The following APAF1 variants were observed in gnomAD, a reference collection of about 807,000 sequenced individuals.
The protein encoded by APAF1 is apoptotic peptidase activating factor 1, also known as apoptotic protease-activating factor 1.
In APAF1, 91 loss-of-function variants were observed where a neutral mutation model predicts 152.4. The observed-to-expected ratio is 0.60, with a 90% CI of 0.50 to 0.71. APAF1 has a LOEUF of 0.71. Among genes scored for constraint, APAF1 ranks in the 30% least tolerant of loss-of-function variants. The probability of loss-of-function intolerance (pLI) is 0.00; values close to 1 mark genes in which losing one functional copy is unlikely to be tolerated. For synonymous variants in APAF1, 484 were observed against 494.1 expected (o/e 0.98, Z 0.27); for missense variants, 1,283 against 1,472.0 (o/e 0.87, Z 2.10).
At chr12:98,691,000 A>G (rs1005291854) in intron 16 of APAF1, among the ~76,000 whole-genome samples, 4 of 152,118 alleles carry the variant, frequency 2.6e-5, no homozygotes, top group African/African-American at 9.7e-5. Context: ...TGAGGTCAGG[A>G]GTTCGAGACC....
At chr12:98,665,518 G>A (rs2097671567) in intron 7 of APAF1, 35 bp from the exon 8 acceptor site, 1 of 1,358,428 alleles carries the variant, frequency 7.4e-7, no homozygotes, top group Non-Finnish European at 1.1e-6. Flanking sequence ...AAAATAGGAT[G>A]GTATTAGCAT....
intron 7 of APAF1, among the ~76,000 whole-genome samples, chr12:98,663,818 C>A (rs545495852): frequency 6.6e-6 from 1 of 151,856 alleles, no homozygotes; most frequent in African/African-American, 2.4e-5. Flanking sequence ...TCCACCATGC[C>A]TAGCTAATTT....
Position 98,666,199 on chromosome 12 carries a change from AT to A in APAF1, c.1206del (p.Leu403SerfsTer17). On this transcript the variant is annotated frameshift_variant, in exon 9 of 27. Transcript: ENST00000551964. LOFTEE classifies it high-confidence loss of function. ...DVKVPTKVLC[I>X]LWDMETEEVE... ...TTACAACAATTCCTAGGTGTTATGT[AT>A]TCTCTGGGACATGGAAACTGAAGAA... The A allele has an allele frequency of 6.2e-7, 1 of 1,613,848 alleles. No homozygotes were observed.
At chr12:98,662,858 C>G in intron 7 of APAF1, 52 bp downstream of exon 7, 1 of 1,559,962 alleles carries the variant, frequency 6.4e-7, no homozygotes, top group Non-Finnish European at 8.8e-7. Context: ...ATATAATTTC[C>G]CTTTTGTTAA....
chr12:98,662,310 A>G (rs2097666507), intron 5 of APAF1, 146 bp from the exon 6 acceptor site: 2 of 647,144 alleles, frequency 3.1e-6, no homozygotes, highest in East Asian at 2.8e-5. Context: ...AGCAAAGAGG[A>G]AGAATCATTT....
In APAF1 at chr12:98,677,548, A is replaced by G. The variant is rs765006856; in HGVS notation, c.1917A>G (p.Leu639=). Residue 639 remains leucine (L), a synonymous_variant, in exon 13 of 27, where the codon TTA becomes TTG. Coordinates refer to ENST00000551964, the MANE Select transcript of APAF1 (RefSeq NM_181861.2). ...RIASCGADKT[L]QVFKAETGEK... is the part of the protein sequence containing the mutation. ...CTTCTTGTGGAGCTGATAAAACCTTACAGGTAAAACACATCTCTTGAGAAA... is the reference window on the plus strand; with the variant it reads ...CTTCTTGTGGAGCTGATAAAACCTTGCAGGTAAAACACATCTCTTGAGAAA... 1 of 1,614,182 alleles carries G rather than the reference A, an allele frequency of 6.2e-7. No individual in the cohort carries two copies. Among genetic ancestry groups the G allele is most frequent in the Non-Finnish European group, 8.5e-7 (1 of 1,180,024 alleles).
At chr12:98,661,548 T>G (rs2097665402) in intron 5 of APAF1, among the ~76,000 whole-genome samples, 1 of 151,870 alleles carries the variant, frequency 6.6e-6, no homozygotes, top group African/African-American at 2.4e-5. Context: ...GCGATATCGG[T>G]TCACTGCAAC....
At chr12:98,650,113 C>G (rs951691701) in intron 4 of APAF1, among the ~76,000 whole-genome samples, 4 of 152,160 alleles carry the variant, frequency 2.6e-5, no homozygotes, top group African/African-American at 9.7e-5. Context: ...CCCCATTCAT[C>G]AGTGTGTTCT....
At chr12:98,674,439 G>GTCTCTCTCTC (rs34546993) in intron 12 of APAF1, among the ~76,000 whole-genome samples, 98 of 149,346 alleles carry the variant, frequency 6.6e-4, no homozygotes, top group African/African-American at 2.3e-3. Flanking sequence ...TGAAGTGGAG[G>GTCTCTCTCTC]TCTCTCTCTC....
intron 15 of APAF1, among the ~76,000 whole-genome samples, chr12:98,683,551 G>C (rs2097694744): frequency 6.6e-6 from 1 of 152,168 alleles, no homozygotes; most frequent in Non-Finnish European, 1.5e-5. Context: ...CCAGAGTCTT[G>C]ACTTCCTCTG....
chr12:98,648,997 T>G, intron 3 of APAF1, 182 bp downstream of exon 3: 1 of 768,850 alleles, frequency 1.3e-6, no homozygotes, highest in South Asian at 1.6e-5. Context: ...TCTCAACTTT[T>G]CTTCTTGCCC....
Position 98,662,797 on chromosome 12 carries a change from G to T in APAF1, c.946G>T (p.Glu316Ter). The T allele has an allele frequency of 6.2e-7, 1 of 1,608,710 alleles. No homozygotes were observed. The change falls in exon 7 of 27, where the codon GAA becomes TAA. Residue 316 changes from glutamate to a stop codon, truncating the protein, a stop_gained. Coordinates refer to ENST00000551964, the MANE Select transcript of APAF1 (RefSeq NM_181861.2). LOFTEE classifies it high-confidence loss of function. ...LPEQAHSIIK[E>*]CKGSPLVVSL... ...AGAACAAGCTCATAGTATTATAAAA[G>T]AATGTAAAGGTATGGTTATTTATTT...
intron 22 of APAF1, among the ~76,000 whole-genome samples, chr12:98,722,362 T>C (rs749384246): frequency 3.3e-5 from 5 of 152,212 alleles, no homozygotes; most frequent in Non-Finnish European, 7.3e-5. Flanking sequence ...GCTAAACTCT[T>C]AAGTTTCTTT....
chr12:98,671,646 T>A lies in APAF1; in HGVS notation c.1720T>A (p.Ser574Thr), dbSNP rs2097680272. ...ACTGGGTCTCTGTGAGCCGGAAACTTCAGAAGTTTATCAGCAAGCTAAGCT... is the reference window on the plus strand; with the variant it reads ...ACTGGGTCTCTGTGAGCCGGAAACTACAGAAGTTTATCAGCAAGCTAAGCT... Reference protein sequence around the residue: ...VQLGLCEPETSEVYQQAKLQA... With the variant: ...VQLGLCEPETTEVYQQAKLQA... The change falls in exon 12 of 27, where the codon TCA (serine) becomes ACA (threonine). Residue 574 changes from serine to threonine, a missense_variant. Coordinates refer to ENST00000551964, the MANE Select transcript of APAF1 (RefSeq NM_181861.2). The A allele has an allele frequency of 5.6e-6, 9 of 1,614,026 alleles. No individual in the cohort carries two copies. Among genetic ancestry groups the A allele is most frequent in the Non-Finnish European group, 7.6e-6 (9 of 1,180,004 alleles).
intron 16 of APAF1, among the ~76,000 whole-genome samples, chr12:98,692,917 T>G (rs1304436252): frequency 1.3e-5 from 2 of 152,202 alleles, no homozygotes; most frequent in African/African-American, 4.8e-5. Context: ...GTAATGGGAT[T>G]GCTGGGTTGA....
At chr12:98,730,347 TAGC>T (rs2097758863) in intron 26 of APAF1, among the ~76,000 whole-genome samples, 1 of 152,222 alleles carries the variant, frequency 6.6e-6, no homozygotes, top group African/African-American at 2.4e-5. Context: ...TCGGCTATAT[TAGC>T]TGCTGACAAA....
At chr12:98,684,782 G>A (rs1475263229) in intron 15 of APAF1, among the ~76,000 whole-genome samples, 1 of 152,092 alleles carries the variant, frequency 6.6e-6, no homozygotes, top group East Asian at 1.9e-4. Flanking sequence ...AATTTTTGAT[G>A]TTGCTTTTGG....
chr12:98,732,944 GC>G lies in APAF1; in HGVS notation c.*380del. 8.4e-6 allele frequency: 2 copies of G among 238,382 alleles called. No individual in the cohort carries two copies. The highest frequency in any genetic ancestry group is 1.1e-4 in the South Asian group (2 of 18,488). 14.8% of individuals were successfully genotyped at this position (238,382 alleles called of 1,614,324 possible). On this transcript the variant is annotated 3_prime_UTR_variant, in exon 27 of 27. Coordinates refer to ENST00000551964, the MANE Select transcript of APAF1 (RefSeq NM_181861.2). ...TATTTATTACTGTTATGCAGGCTGT[GC>G]CTCAGGGTAGCAGTGGCCTGCTTTT...
At chr12:98,680,195 A>T (rs2097690835) in intron 13 of APAF1, 82 bp from the exon 14 acceptor site, 2 of 1,418,198 alleles carry the variant, frequency 1.4e-6, no homozygotes, top group African/African-American at 1.4e-5. Context: ...ACAATGATTA[A>T]ACTCACTTAA....
Sources: gnomAD v4.1 joint callset for allele counts (sites outside exome capture counted in the v4.1 genomes callset) on GRCh38, gnomAD v4.1.1 for gene constraint, MANE v1.5 for transcripts, NCBI Gene and HGNC (gene_info 2026-07-23, HGNC 2026-07-21) for gene names.